The following SLC5A11 variants were observed in gnomAD, a reference collection of about 807,000 sequenced individuals.
SLC5A11 encodes sodium/myo-inositol cotransporter 2.
Under a neutral mutation model 69.8 loss-of-function variants are expected in SLC5A11, and 48 were observed. The observed-to-expected ratio is 0.69, with a 90% confidence interval of 0.55 to 0.87. The LOEUF is 0.87. Ranked by LOEUF, SLC5A11 falls within the 40% of genes least tolerant of loss-of-function variation. The pLI is 0.00. For synonymous variants in SLC5A11, 319 were observed against 342.4 expected (o/e 0.93, Z 0.75); for missense variants, 784 against 866.1 (o/e 0.91, Z 1.19).
chr16:24,904,841 A>T (rs752645505), intron 10 of SLC5A11, among the ~76,000 whole-genome samples: 1 of 152,132 alleles, frequency 6.6e-6, no homozygotes, highest in Non-Finnish European at 1.5e-5. Context: ...TTACATAGGT[A>T]TACATGTGCC....
intron 10 of SLC5A11, among the ~76,000 whole-genome samples, chr16:24,900,941 G>GAAA (rs1567682423): frequency 1.4e-5 from 2 of 146,968 alleles, no homozygotes; most frequent in Non-Finnish European, 3.0e-5. Flanking sequence ...AAAAAAAAAG[G>GAAA]AAAGAATATG....
At chr16:24,908,257 T>G in intron 13 of SLC5A11, 126 bp downstream of exon 14, 17 of 1,039,038 alleles carry the variant, frequency 1.6e-5, no homozygotes, top group Non-Finnish European at 1.9e-5. Flanking sequence ...GGAGGGTGAG[T>G]TCCATTGGTG....
At chr16:24,892,726 C>T (rs1277352823) in intron 9 of SLC5A11, among the ~76,000 whole-genome samples, 1 of 152,066 alleles carries the variant, frequency 6.6e-6, no homozygotes, top group Non-Finnish European at 1.5e-5. Context: ...GGGCTGATGA[C>T]AGTTTAATTA....
chr16:24,886,866 G>A (rs973069388), intron 8 of SLC5A11, among the ~76,000 whole-genome samples: 1 of 152,124 alleles, frequency 6.6e-6, no homozygotes, highest in African/African-American at 2.4e-5. Context: ...GGTTAAGGAG[G>A]TTGAGGCAGG....
At chr16:24,875,998 C>T (rs1371569534) in intron 6 of SLC5A11, among the ~76,000 whole-genome samples, 1 of 151,908 alleles carries the variant, frequency 6.6e-6, no homozygotes, top group Non-Finnish European at 1.5e-5. Context: ...AGTTTGAGGC[C>T]AGTCTGGCCA....
intron 3 of SLC5A11, among the ~76,000 whole-genome samples, chr16:24,867,630 GA>G (rs2046996669): frequency 6.6e-6 from 1 of 151,842 alleles, no homozygotes; most frequent in East Asian, 1.9e-4. Flanking sequence ...CCTAGATTAA[GA>G]AAAACAAGAC....
chr16:24,893,946 T>C (rs1280837312), intron 9 of SLC5A11, among the ~76,000 whole-genome samples: 2 of 152,204 alleles, frequency 1.3e-5, no homozygotes, highest in African/African-American at 4.8e-5. Context: ...CTATTTCTAT[T>C]TCGTTGACCT....
At chr16:24,893,715 C>G (rs924487945) in intron 9 of SLC5A11, among the ~76,000 whole-genome samples, 3 of 151,990 alleles carry the variant, frequency 2.0e-5, no homozygotes, top group Non-Finnish European at 4.4e-5. Flanking sequence ...GGACTATAGG[C>G]GTGCACCACT....
intron 9 of SLC5A11, among the ~76,000 whole-genome samples, chr16:24,891,852 T>C (rs2048831335): frequency 6.6e-6 from 1 of 151,908 alleles, no homozygotes; most frequent in Non-Finnish European, 1.5e-5. Context: ...ACGGAGATAA[T>C]AAGTAAATTA....
intron 8 of SLC5A11, among the ~76,000 whole-genome samples, chr16:24,887,403 C>A (rs926054215): frequency 4.6e-5 from 7 of 152,102 alleles, no homozygotes; most frequent in South Asian, 2.1e-4. Context: ...ATTTTACTAA[C>A]AAAAACTTTA....
At chr16:24,896,489 C>T (rs374043023) in intron 9 of SLC5A11, among the ~76,000 whole-genome samples, 28 of 151,568 alleles carry the variant, frequency 1.8e-4, no homozygotes, top group African/African-American at 6.3e-4. Context: ...AGTGAGACCC[C>T]ATCTCTTAAA....
At chr16:24,880,739 T>G (rs1597140975) in intron 7 of SLC5A11, among the ~76,000 whole-genome samples, 1 of 151,812 alleles carries the variant, frequency 6.6e-6, no homozygotes, top group South Asian at 2.1e-4. Flanking sequence ...TCCAATCACC[T>G]CCCACCAGGA....
At chr16:24,858,579 T>A in intron 1 of SLC5A11, 41 bp from the exon 3 acceptor site, 6 of 1,548,688 alleles carry the variant, frequency 3.9e-6, no homozygotes, top group Non-Finnish European at 5.2e-6. Context: ...AGAAGAATGA[T>A]GCTAGGATCT....
At chr16:24,847,254 T>TTCCC (rs2059062441) in intron 1 of SLC5A11, among the ~76,000 whole-genome samples, 1 of 151,506 alleles carries the variant, frequency 6.6e-6, no homozygotes, top group Non-Finnish European at 1.5e-5. Context: ...CTTTCCTTCC[T>TTCCC]TCCCTCCCTC....
chr16:24,862,068 C>T (rs910050833), intron 2 of SLC5A11: 23 of 152,226 alleles, frequency 1.5e-4, no homozygotes, highest in African/African-American at 4.8e-4. Flanking sequence ...TCCAAGTCTC[C>T]AGAATTGTAA....
intron 10 of SLC5A11, among the ~76,000 whole-genome samples, chr16:24,899,055 C>T (rs545075029): frequency 6.6e-5 from 10 of 151,402 alleles, no homozygotes; most frequent in African/African-American, 1.7e-4. Context: ...AGGCCTCAAG[C>T]GATCCTCCTG....
At chr16:24,910,622 C>A in intron 15 of SLC5A11, 145 bp downstream of exon 16, 1 of 920,568 alleles carries the variant, frequency 1.1e-6, no homozygotes, top group Non-Finnish European at 1.6e-6. Flanking sequence ...CTGATCTGTC[C>A]CCACGCTCCG....
chr16:24,877,437 C>T (rs966042832), intron 7 of SLC5A11, 74 bp downstream of exon 8: 103 of 1,102,500 alleles, frequency 9.3e-5, no homozygotes, highest in Non-Finnish European at 6.0e-5. Flanking sequence ...CTTCTCCTTG[C>T]CCATCTTCTG....
At chr16:24,903,115 G>C (rs2049767694) in intron 10 of SLC5A11, among the ~76,000 whole-genome samples, 1 of 151,878 alleles carries the variant, frequency 6.6e-6, no homozygotes, top group South Asian at 2.1e-4. Flanking sequence ...GTGGCTCCTG[G>C]GAACTTGTTA....
Sources: gnomAD v4.1 joint callset for allele counts (sites outside exome capture counted in the v4.1 genomes callset) on GRCh38, gnomAD v4.1.1 for gene constraint, MANE v1.5 for transcripts, NCBI Gene and HGNC (gene_info 2026-07-23, HGNC 2026-07-21) for gene names.